The following PHACTR2 variants were observed in gnomAD, a reference collection of about 807,000 sequenced individuals.
PHACTR2 encodes phosphatase and actin regulator 2.
A neutral mutation model predicts 76.0 loss-of-function variants in PHACTR2; 30 were observed. That is an observed-to-expected ratio of 0.39 (90% CI 0.30 to 0.54). The LOEUF is 0.54. Among genes scored for constraint, PHACTR2 ranks in the 20% least tolerant of loss-of-function variants. The pLI is 0.61. For synonymous variants in PHACTR2, 292 were observed against 292.5 expected, an observed-to-expected ratio of 1.00 and a Z score of 0.02; for missense variants, 696 against 781.1, an observed-to-expected ratio of 0.89 and a Z score of 1.30.
rs113428859 is a variant in PHACTR2, at chr6:143,652,005, T to C, written c.13+43683T>C. ...AGGCCTCAGAAGAAACCAAATCAAC[T>C]GATGCCTTCATCTTGGATTTCTAGC... On this transcript the variant is annotated intron_variant, in intron 1 of 11. Transcript: ENST00000305766. The surrounding 1 kb of genome is among the most constrained non-coding windows in gnomAD (Gnocchi z 4.5). 0.011 allele frequency among the ~76,000 whole-genome samples: 1,716 copies of C among 151,084 alleles called. 41 individuals carry two copies. The highest frequency in any genetic ancestry group is 0.04 in the African/African-American group (1,628 of 41,116).
Position 143,823,593 on chromosome 6 carries a change from CATGACCACGCCTT to C in PHACTR2, c.1923-78_1923-66del. ...ATCTGGGGTACCTTTTCATTGTAAA[CATGACCACGCCTT>C]ATTCAGCTCACTGCATGCAGAATGT... On this transcript the variant is annotated intron_variant, in intron 12 of 12. Transcript: ENST00000440869. This position sits in a 1 kb window ranked among gnomAD's most constrained non-coding sequence, Gnocchi z 5.7. The C allele has an allele frequency of 9.4e-7, 1 of 1,058,748 alleles. No homozygotes were observed. The highest frequency in any genetic ancestry group is 1.5e-6 in the Non-Finnish European group (1 of 684,798). The allele number at this position is 1,058,748 out of a possible 1,614,324, so 65.6% of individuals were successfully genotyped here.
At chr6:143,586,637 C>T (rs186336007) in intron 1 of PHACTR2, among the ~76,000 whole-genome samples, 4 of 152,186 alleles carry the variant, frequency 2.6e-5, no homozygotes, top group Admixed American at 2.6e-4. Context: ...CATATTTATA[C>T]CCAGTTTTAA....
At chr6:143,637,555 G>A (rs1776481159) in intron 1 of PHACTR2, among the ~76,000 whole-genome samples, 1 of 152,198 alleles carries the variant, frequency 6.6e-6, no homozygotes, top group Non-Finnish European at 1.5e-5. Context: ...TATTAACTAT[G>A]TCACAGCTTG....
intron 7 of PHACTR2, among the ~76,000 whole-genome samples, chr6:143,773,783 A>T (rs1401053136): frequency 6.6e-6 from 1 of 152,266 alleles, no homozygotes; most frequent in Non-Finnish European, 1.5e-5. Context: ...AATAAACTGC[A>T]GCTATCACTT....
rs1041639410 is a variant in PHACTR2 at position 143,750,897 on chromosome 6, G to C, written c.295+1832G>C. Among the ~76,000 whole-genome samples, 1 of 152,164 alleles carries C rather than the reference G, an allele frequency of 6.6e-6. No homozygotes were observed. The highest frequency in any genetic ancestry group is 2.4e-5 in the African/African-American group (1 of 41,432). On this transcript the variant is annotated intron_variant, in intron 3 of 12. Transcript: ENST00000440869. This position sits in a 1 kb window ranked among gnomAD's most constrained non-coding sequence, Gnocchi z 4.6. The stretch of plus-strand genomic sequence containing the variant: ...ATAAAATACTAGATTTTACTTTCCA[G>C]CTTTTCCATGGTCCCTATCTAGAAC...
Position 143,553,040 on chromosome 6 carries a change from G to A in PHACTR2, c.217+15833G>A, listed in dbSNP as rs1775114050. ...TTTAAGGAGTGAAATGAGCAATGAT[G>A]TTTCATCCAGATGCTTAAACATGCT... On this transcript the variant is annotated intron_variant, in intron 1 of 11. Transcript: ENST00000367584. The surrounding 1 kb of genome is among the most constrained non-coding windows in gnomAD (Gnocchi z 4.2). Among the ~76,000 whole-genome samples, 2 of 152,196 alleles carry A rather than the reference G, an allele frequency of 1.3e-5. No homozygotes were observed. The highest frequency in any genetic ancestry group is 4.8e-5 in the African/African-American group (2 of 41,550).
At position 143,753,700 on chromosome 6, in the gene PHACTR2, T is replaced by G; in HGVS notation, c.296-54T>G. On this transcript the variant is annotated intron_variant, in intron 3 of 12. Transcript: ENST00000440869. This position sits in a 1 kb window ranked among gnomAD's most constrained non-coding sequence, Gnocchi z 4.6. Reference sequence around the variant, plus strand: ...TTACAATCCTAGTAACTGGAAAACTTGTTTTTAAGAAAGCCAGCAAGTTAG... The same window carrying G: ...TTACAATCCTAGTAACTGGAAAACTGGTTTTTAAGAAAGCCAGCAAGTTAG... 2.9e-6 allele frequency: 4 copies of G among 1,367,770 alleles called. No homozygotes were observed. Among genetic ancestry groups the G allele is most frequent in the Non-Finnish European group, 3.0e-6 (3 of 997,918 alleles). The allele number at this position is 1,367,770 out of a possible 1,614,324, so 84.7% of individuals were successfully genotyped here.
At chr6:143,582,903 T>C (rs1449998775) in intron 1 of PHACTR2, among the ~76,000 whole-genome samples, 3 of 152,174 alleles carry the variant, frequency 2.0e-5, no homozygotes, top group Non-Finnish European at 4.4e-5. Context: ...GATTCAGTTG[T>C]ATTGAAAGAA....
Position 143,711,930 on chromosome 6 carries a change from G to A in PHACTR2, c.47-86G>A, listed in dbSNP as rs538975892. The A allele has an allele frequency of 8.4e-5, 100 of 1,188,818 alleles. No individual in the cohort carries two copies. The African/African-American group carries it at 1.1e-3, about 14-fold the overall frequency. 73.6% of individuals were successfully genotyped at this position (1,188,818 alleles called of 1,614,324 possible). Reference sequence around the variant, plus strand: ...TCCAATTAGAGTGGACGTGCTTACCGTTAACAGCCCAGGGACCAATTGATG... The same window carrying A: ...TCCAATTAGAGTGGACGTGCTTACCATTAACAGCCCAGGGACCAATTGATG... On this transcript the variant is annotated intron_variant, in intron 1 of 12. Transcript: ENST00000440869.
At chr6:143,814,595 C>CTTT (rs61652528) in intron 12 of PHACTR2, among the ~76,000 whole-genome samples, 9 of 108,410 alleles carry the variant, frequency 8.3e-5, no homozygotes, top group Non-Finnish European at 1.3e-4. Context: ...GACATACACA[C>CTTT]TTTTTTTTTT....
In PHACTR2 at chr6:143,709,244, C is replaced by G. The variant is rs1778115302; in HGVS notation, c.47-2772C>G. On this transcript the variant is annotated intron_variant, in intron 1 of 12. Coordinates refer to ENST00000440869, the MANE Select transcript of PHACTR2 (RefSeq NM_001100164.2). This position sits in a 1 kb window ranked among gnomAD's most constrained non-coding sequence, Gnocchi z 4.4. ...TGAAAGTAGGGTTAGGAACCACTTT[C>G]AGAAGAATCAGTTAGCGTAGGACTT... Among the ~76,000 whole-genome samples the G allele has an allele frequency of 6.6e-6, 1 of 152,202 alleles. No individual in the cohort carries two copies. Among genetic ancestry groups the G allele is most frequent in the South Asian group, 2.1e-4 (1 of 4,838 alleles).
At chr6:143,711,803 C>A (rs780150887) in intron 1 of PHACTR2, 4 of 727,128 alleles carry the variant, frequency 5.5e-6, no homozygotes, top group Non-Finnish European at 1.0e-5. Context: ...AGTCTGTTTC[C>A]CCAGAATGAT....
intron 1 of PHACTR2, among the ~76,000 whole-genome samples, chr6:143,600,114 G>A (rs1369068886): frequency 3.9e-5 from 6 of 152,348 alleles, no homozygotes; most frequent in East Asian, 1.9e-4. Context: ...CCGTCCGGCC[G>A]GCATGAGCCT....
chr6:143,596,397 A>G lies in PHACTR2; in HGVS notation c.217+59190A>G, dbSNP rs981779897. Among the ~76,000 whole-genome samples the G allele has an allele frequency of 6.6e-6, 1 of 152,288 alleles. No homozygotes were observed. Among genetic ancestry groups the G allele is most frequent in the Admixed American group, 6.5e-5 (1 of 15,286 alleles). On this transcript the variant is annotated intron_variant, in intron 1 of 11. Coordinates refer to the PHACTR2 transcript ENST00000367584. The surrounding 1 kb of genome is among the most constrained non-coding windows in gnomAD (Gnocchi z 4.6). ...TCACATTTACCTGAACTGCATTAAG[A>G]GAGAGACACTCTTACTTATATTTGT...
At chr6:143,575,091 A>T (rs1206913858) in intron 1 of PHACTR2, among the ~76,000 whole-genome samples, 1 of 151,348 alleles carries the variant, frequency 6.6e-6, no homozygotes, top group Non-Finnish European at 1.5e-5. Flanking sequence ...TAGGCAAATA[A>T]ATAATCATCA....
At chr6:143,670,294 C>G (rs2128450543) in intron 1 of PHACTR2, among the ~76,000 whole-genome samples, 1 of 152,208 alleles carries the variant, frequency 6.6e-6, no homozygotes, top group South Asian at 2.1e-4. Context: ...TCATTTCAAC[C>G]CTAGTGAATC....
chr6:143,814,096 C>T (rs1280442348), intron 12 of PHACTR2, among the ~76,000 whole-genome samples: 2 of 152,212 alleles, frequency 1.3e-5, no homozygotes, highest in African/African-American at 2.4e-5. Context: ...TGGCTCATGC[C>T]TGTAATCCCA....
chr6:143,595,968 A>C lies in PHACTR2; in HGVS notation c.217+58761A>C, dbSNP rs1775745969. On this transcript the variant is annotated intron_variant, in intron 1 of 11. Coordinates refer to the PHACTR2 transcript ENST00000367584. The surrounding 1 kb of genome is among the most constrained non-coding windows in gnomAD (Gnocchi z 4.2). ...TCCTTTTTAGTTTTTCTATGGTTCAAACTATTTCTCGTATAAGCACTATCT... is the reference window on the plus strand; with the variant it reads ...TCCTTTTTAGTTTTTCTATGGTTCACACTATTTCTCGTATAAGCACTATCT... 6.6e-6 allele frequency among the ~76,000 whole-genome samples: 1 copy of C among 152,202 alleles called. No homozygotes were observed. Among genetic ancestry groups the C allele is most frequent in the Admixed American group, 6.6e-5 (1 of 15,262 alleles).
chr6:143,621,427 GACTTGGGAAGCCAGCAGCT>G lies in PHACTR2; in HGVS notation c.13+13108_13+13126del, dbSNP rs1215287154. Reference sequence around the variant, plus strand: ...TGCCTCTCTCTCTAGAGTAGCACAGGACTTGGGAAGCCAGCAGCTACAAGGAAGCTCACCTGTCAAGCAC... The same window carrying G: ...TGCCTCTCTCTCTAGAGTAGCACAGGACAAGGAAGCTCACCTGTCAAGCAC... On this transcript the variant is annotated intron_variant, in intron 1 of 11. Coordinates refer to the PHACTR2 transcript ENST00000305766. The surrounding 1 kb of genome is among the most constrained non-coding windows in gnomAD (Gnocchi z 4.1). 6.6e-6 allele frequency among the ~76,000 whole-genome samples: 1 copy of G among 152,172 alleles called. No homozygotes were observed. The highest frequency in any genetic ancestry group is 1.5e-5 in the Non-Finnish European group (1 of 68,030).
Sources: gnomAD v4.1 joint callset for allele counts (sites outside exome capture counted in the v4.1 genomes callset) on GRCh38, gnomAD v4.1.1 for gene constraint, Gnocchi (gnomAD v3.1) non-coding constraint, MANE v1.5 for transcripts, NCBI Gene and HGNC (gene_info 2026-07-23, HGNC 2026-07-21) for gene names.